GTF2H1: variants seen among roughly 807,000 people sequenced by gnomAD.
GTF2H1 encodes the protein BTF2 p62.
Under a neutral mutation model 71.2 loss-of-function variants are expected in GTF2H1, and 16 were observed. That is an observed-to-expected ratio of 0.22 (90% CI 0.15 to 0.34). The LOEUF (loss-of-function observed/expected upper bound fraction) is 0.34. Ranked by LOEUF, GTF2H1 falls within the 10% of genes least tolerant of loss-of-function variation. The probability of loss-of-function intolerance (pLI) is 1.00; values close to 1 mark genes in which losing one functional copy is unlikely to be tolerated. For missense variants in GTF2H1, 498 were observed against 648.2 expected (o/e 0.77, Z 2.52); for synonymous variants, 215 against 219.0 (o/e 0.98, Z 0.16).
intron 7 of GTF2H1, among the ~76,000 whole-genome samples, chr11:18,346,173 AG>A (rs993275232): frequency 6.6e-6 from 1 of 152,182 alleles, no homozygotes; most frequent in African/African-American, 2.4e-5. Flanking sequence ...AACCATATAC[AG>A]TCTCATGACA....
intron 1 of GTF2H1, among the ~76,000 whole-genome samples, chr11:18,326,628 C>T (rs1042431892): frequency 6.6e-6 from 1 of 152,118 alleles, no homozygotes; most frequent in East Asian, 1.9e-4. Flanking sequence ...ACCTTCTCAA[C>T]TCATAAAGGT....
chr11:18,349,654 G>A (rs1865381777), intron 9 of GTF2H1, among the ~76,000 whole-genome samples: 1 of 152,164 alleles, frequency 6.6e-6, no homozygotes, highest in Non-Finnish European at 1.5e-5. Flanking sequence ...CTGCACTCCA[G>A]CCTGGATGAC....
chr11:18,327,164 C>T (rs931670514), intron 1 of GTF2H1, among the ~76,000 whole-genome samples: 5 of 152,124 alleles, frequency 3.3e-5, no homozygotes, highest in African/African-American at 1.2e-4. Flanking sequence ...TTCAAATTCT[C>T]ACACTAGCAC....
At chr11:18,333,023 G>A in intron 1 of GTF2H1, 37 bp from the exon 2 acceptor site, 2 of 1,479,230 alleles carry the variant, frequency 1.4e-6, no homozygotes, top group Non-Finnish European at 1.8e-6. Context: ...TTGATGTGTG[G>A]AATAGTTTTT....
rs574638105 is a variant in GTF2H1 at position 18,366,574 on chromosome 11, A to G, written c.*705A>G. On this transcript the variant is annotated 3_prime_UTR_variant, in exon 15 of 15. Transcript: ENST00000265963. The stretch of plus-strand genomic sequence containing the variant: ...TTGTGGTTTGGAGTCCCTGAATAAT[A>G]AAGAGGGAATATATTTGCAGAAAGT... 6.5e-6 allele frequency: 1 copy of G among 152,778 alleles called. No homozygotes were observed. Among genetic ancestry groups the G allele is most frequent in the South Asian group, 2.1e-4 (1 of 4,830 alleles). The allele number at this position is 152,778 out of a possible 1,614,324, so 9.5% of individuals were successfully genotyped here.
intron 11 of GTF2H1, among the ~76,000 whole-genome samples, chr11:18,353,887 T>C (rs564210146): frequency 1.1e-3 from 171 of 152,334 alleles, no homozygotes; most frequent in African/African-American, 3.9e-3. Context: ...AGTACAATTA[T>C]AGAATTAGTA....
At chr11:18,327,980 G>A (rs1031775416) in intron 1 of GTF2H1, among the ~76,000 whole-genome samples, 2 of 151,258 alleles carry the variant, frequency 1.3e-5, no homozygotes, top group African/African-American at 2.4e-5. Flanking sequence ...AGACTGAGGC[G>A]GGGGATCACT....
chr11:18,360,539 ATGTAGAAGAT>A lies in GTF2H1; in HGVS notation c.1468-72_1468-63del, dbSNP rs1865671194. On this transcript the variant is annotated intron_variant, in intron 13 of 14. Transcript: ENST00000265963. Reference sequence around the variant, plus strand: ...ATTCTACAAGAAAAGTAACTTTCATATGTAGAAGATTGTTTTTCTGTTGGTCTCTACAGCT... The same window carrying A: ...ATTCTACAAGAAAAGTAACTTTCATATGTTTTTCTGTTGGTCTCTACAGCT... 4 of 674,466 alleles carry A rather than the reference ATGTAGAAGAT, an allele frequency of 5.9e-6. No homozygotes were observed. The Admixed American group carries it at 1.2e-4, about 20-fold the overall frequency. The allele number at this position is 674,466 out of a possible 1,614,324, so 41.8% of individuals were successfully genotyped here.
chr11:18,328,349 A>G (rs1052119250), intron 1 of GTF2H1, among the ~76,000 whole-genome samples: 4 of 150,800 alleles, frequency 2.7e-5, no homozygotes, highest in African/African-American at 9.8e-5. Flanking sequence ...CGTCTCTACT[A>G]AAAAATACAA....
At chr11:18,353,776 T>G (rs146198769) in intron 11 of GTF2H1, among the ~76,000 whole-genome samples, 98 of 152,356 alleles carry the variant, frequency 6.4e-4, no homozygotes, top group African/African-American at 2.3e-3. Context: ...AAAAATATGT[T>G]TTCCAACCCA....
At chr11:18,329,920 G>C (rs1196364196) in intron 1 of GTF2H1, among the ~76,000 whole-genome samples, 5 of 152,144 alleles carry the variant, frequency 3.3e-5, no homozygotes, top group Non-Finnish European at 7.4e-5. Flanking sequence ...CCTTTCATAT[G>C]AAATCCTAGA....
intron 9 of GTF2H1, among the ~76,000 whole-genome samples, chr11:18,350,276 T>A (rs530991019): frequency 3.9e-5 from 6 of 152,332 alleles, no homozygotes; most frequent in African/African-American, 1.4e-4. Flanking sequence ...TAACAAGGCC[T>A]TGGCATAAGT....
At chr11:18,334,595 C>G (rs1864981305) in intron 2 of GTF2H1, among the ~76,000 whole-genome samples, 1 of 152,192 alleles carries the variant, frequency 6.6e-6, no homozygotes, top group African/African-American at 2.4e-5. Context: ...CTCTACAATT[C>G]TTCTCAGTTA....
At position 18,339,124 on chromosome 11, in the gene GTF2H1, A is replaced by G. The variant is rs553646818; in HGVS notation, c.514-440A>G. Among the ~76,000 whole-genome samples the G allele has an allele frequency of 2.6e-4, 40 of 152,346 alleles. 1 individual carries two copies. In the South Asian group the frequency reaches 2.7e-3, roughly 10 times the overall value. Reference sequence around the variant, plus strand: ...AACCAGAATAGTATTAACACATTCAACAAAATTTTGAATACTATTTGTATG... The same window carrying G: ...AACCAGAATAGTATTAACACATTCAGCAAAATTTTGAATACTATTTGTATG... On this transcript the variant is annotated intron_variant, in intron 4 of 14. Transcript: ENST00000265963.
chr11:18,336,027 C>A, intron 3 of GTF2H1, 81 bp downstream of exon 3: 1 of 955,712 alleles, frequency 1.0e-6, no homozygotes, highest in Non-Finnish European at 1.5e-6. Flanking sequence ...TGTTAGCTAT[C>A]CCCACGTTTT....
chr11:18,336,879 C>T (rs1865041702), intron 3 of GTF2H1, among the ~76,000 whole-genome samples: 1 of 151,998 alleles, frequency 6.6e-6, no homozygotes, highest in Non-Finnish European at 1.5e-5. Context: ...CTCAGCCTCC[C>T]AAGTATCTGG....
chr11:18,333,903 ACT>A (rs1180592244), intron 2 of GTF2H1, among the ~76,000 whole-genome samples: 4 of 152,136 alleles, frequency 2.6e-5, no homozygotes, highest in African/African-American at 9.7e-5. Context: ...TGTTGAGAAG[ACT>A]CAACCTTATA....
At chr11:18,359,992 G>T (rs2133990103) in intron 13 of GTF2H1, among the ~76,000 whole-genome samples, 1 of 151,962 alleles carries the variant, frequency 6.6e-6, no homozygotes. Context: ...GTGATCACCT[G>T]AGCCTAGAGA....
intron 14 of GTF2H1, among the ~76,000 whole-genome samples, chr11:18,361,631 C>T (rs866775646): frequency 2.0e-5 from 3 of 152,138 alleles, no homozygotes; most frequent in South Asian, 2.1e-4. Context: ...GTCATGCCAC[C>T]GCACTCCAGC....
Sources: allele counts gnomAD v4.1 joint callset (sites outside exome capture counted in the v4.1 genomes callset), GRCh38; gene constraint gnomAD v4.1.1; transcripts MANE v1.5; gene names NCBI Gene and HGNC (gene_info 2026-07-23, HGNC 2026-07-21).